KIF15: variants seen among roughly 807,000 people sequenced by gnomAD.
The protein encoded by KIF15 is kinesin-like protein KIF15.
In KIF15, 140 loss-of-function variants were observed where a neutral mutation model predicts 190.6. The ratio of observed to expected loss-of-function variants is 0.73; its 90% CI spans 0.64 to 0.84. KIF15 has a LOEUF of 0.84. KIF15 is among the 40% of genes least tolerant of loss of function. KIF15 has a pLI of 0.00. For synonymous variants in KIF15, 528 were observed against 551.3 expected, an observed-to-expected ratio of 0.96 and a Z score of 0.59; for missense variants, 1,372 against 1,584.4, an observed-to-expected ratio of 0.87 and a Z score of 2.28.
chr3:44,778,274 A>C (rs1705992337), intron 4 of KIF15, 83 bp downstream of exon 4: 1 of 1,089,734 alleles, frequency 9.2e-7, no homozygotes, highest in South Asian at 1.2e-5. Context: ...CCACAAACGT[A>C]GTGGCTTAAA....
intron 4 of KIF15, among the ~76,000 whole-genome samples, chr3:44,778,584 C>T (rs1216159006): frequency 6.6e-6 from 1 of 152,126 alleles, no homozygotes; most frequent in South Asian, 2.1e-4. Flanking sequence ...TTAGATTGGC[C>T]CCTCCTGGCT....
intron 26 of KIF15, among the ~76,000 whole-genome samples, chr3:44,832,512 C>G (rs2125701813): frequency 6.6e-6 from 1 of 152,242 alleles, no homozygotes; most frequent in Non-Finnish European, 1.5e-5. Flanking sequence ...ACCAAGCTTT[C>G]TAGCCTGGAG....
chr3:44,794,222 G>T lies in KIF15; in HGVS notation c.645G>T (p.Leu215Phe). 1.2e-6 allele frequency: 2 copies of T among 1,613,030 alleles called. No individual in the cohort carries two copies. The highest frequency in any genetic ancestry group is 1.7e-6 in the Non-Finnish European group (2 of 1,179,424). ...VTSAAEAYQV[L>F]SGGWRNRRVA... is the part of the protein sequence containing the mutation. ...TATGTTTTCCTTTTGCATAGGTGTT[G>T]TCTGGAGGATGGAGGAATAGACGTG... The change falls in exon 8 of 35, where the codon TTG becomes TTT. Residue 215 changes from leucine to phenylalanine, a missense_variant. Physicochemically the swap from Leu to Phe is conservative, Grantham distance 22 (BLOSUM62 0). Coordinates refer to ENST00000326047, the MANE Select transcript of KIF15 (RefSeq NM_020242.3).
intron 5 of KIF15, among the ~76,000 whole-genome samples, chr3:44,784,140 C>A (rs1411796115): frequency 6.6e-6 from 1 of 152,152 alleles, no homozygotes; most frequent in African/African-American, 2.4e-5. Context: ...ACTAACATGG[C>A]TCTAAGTGCT....
chr3:44,788,187 G>A (rs553717683), intron 7 of KIF15, among the ~76,000 whole-genome samples: 131 of 152,244 alleles, frequency 8.6e-4, no homozygotes, highest in Non-Finnish European at 8.8e-5. Context: ...TTAGTGTTTG[G>A]TGTGTATAGA....
chr3:44,766,455 G>A (rs1181835409), intron 1 of KIF15, among the ~76,000 whole-genome samples: 1 of 152,200 alleles, frequency 6.6e-6, no homozygotes, highest in Non-Finnish European at 1.5e-5. Context: ...CAAGATGAGG[G>A]CTGTGTGGGA....
At chr3:44,763,625 C>T (rs59150312) in intron 1 of KIF15, among the ~76,000 whole-genome samples, 1,654 of 151,758 alleles carry the variant, frequency 0.011, 29 homozygotes, top group African/African-American at 0.037. Flanking sequence ...CTAGTGACAT[C>T]ATTGACACCA....
In KIF15 at chr3:44,813,198, G is replaced by C. The variant is rs765007877; in HGVS notation, c.2383+18G>C. 1.7e-5 allele frequency: 24 copies of C among 1,399,362 alleles called. No individual in the cohort carries two copies. The highest frequency in any genetic ancestry group is 4.0e-6 in the Non-Finnish European group (4 of 1,003,270). 86.7% of individuals were successfully genotyped at this position (1,399,362 alleles called of 1,614,324 possible). The stretch of plus-strand genomic sequence containing the variant: ...AAATGACTGTAAGTTATTCTATCAG[G>C]AGCTTTGTGACTTGAAGGAATACTG... On this transcript the variant is annotated intron_variant, in intron 19 of 34. Coordinates refer to ENST00000326047, the MANE Select transcript of KIF15 (RefSeq NM_020242.3).
At chr3:44,778,414 T>G (rs1705998917) in intron 4 of KIF15, among the ~76,000 whole-genome samples, 1 of 152,200 alleles carries the variant, frequency 6.6e-6, no homozygotes, top group Non-Finnish European at 1.5e-5. Context: ...AAAATTTGTT[T>G]CTTTGCCTTT....
chr3:44,849,817 A>G (rs985823079), intron 32 of KIF15, among the ~76,000 whole-genome samples: 1 of 152,148 alleles, frequency 6.6e-6, no homozygotes, highest in Non-Finnish European at 1.5e-5. Flanking sequence ...TTACCAATTG[A>G]GTTCACATTA....
Position 44,780,881 on chromosome 3 carries a change from A to G in KIF15, c.324-4A>G, listed in dbSNP as rs758385346. 5.7e-6 allele frequency: 9 copies of G among 1,586,744 alleles called. No individual in the cohort carries two copies. In the East Asian group the frequency reaches 2.0e-4, roughly 36 times the overall value. On this transcript the variant is annotated splice_polypyrimidine_tract_variant and splice_region_variant and intron_variant, in intron 4 of 34. Coordinates refer to ENST00000326047, the MANE Select transcript of KIF15 (RefSeq NM_020242.3). ...AAAAATAATATGTAAAACATTTTTT[A>G]CAGTGGACAGACTGGCTCAGGGAAG...
chr3:44,777,596 C>T (rs927909654), intron 3 of KIF15, among the ~76,000 whole-genome samples: 2 of 152,082 alleles, frequency 1.3e-5, no homozygotes, highest in Non-Finnish European at 2.9e-5. Context: ...GAGGCTGAGG[C>T]AGGAGAATTG....
chr3:44,767,032 G>A (rs1201413484), intron 1 of KIF15, among the ~76,000 whole-genome samples: 2 of 151,868 alleles, frequency 1.3e-5, no homozygotes, highest in Non-Finnish European at 2.9e-5. Flanking sequence ...GGGTGGTCTC[G>A]ATCTCCTGAC....
rs1196786194 is a variant in KIF15 at position 44,794,253 on chromosome 3, TCAA to T, written c.679_681del (p.Thr227del). 1 of 1,613,880 alleles carries T rather than the reference TCAA, an allele frequency of 6.2e-7. No homozygotes were observed. The highest frequency in any genetic ancestry group is 1.3e-5 in the African/African-American group (1 of 74,920). ...AGGATGGAGGAATAGACGTGTGGCA[TCAA>T]CATCAATGAACAGAGAATCGTCTAG... On this transcript the variant is annotated inframe_deletion, in exon 8 of 35. Transcript: ENST00000326047.
chr3:44,797,973 T>C lies in KIF15; in HGVS notation c.1098+17T>C, dbSNP rs1419304346. On this transcript the variant is annotated intron_variant, in intron 10 of 34. Transcript: ENST00000326047. Reference sequence around the variant, plus strand: ...AAAAACAAGGTAAAATACTGGCGTATACTTCATTAAATAAATGAGAAAAAT... The same window carrying C: ...AAAAACAAGGTAAAATACTGGCGTACACTTCATTAAATAAATGAGAAAAAT... 6.3e-7 allele frequency: 1 copy of C among 1,582,884 alleles called. No homozygotes were observed. Among genetic ancestry groups the C allele is most frequent in the Admixed American group, 1.9e-5 (1 of 53,406 alleles).
chr3:44,797,327 CTG>C (rs1444000011), intron 8 of KIF15, among the ~76,000 whole-genome samples: 4 of 152,198 alleles, frequency 2.6e-5, no homozygotes, highest in Non-Finnish European at 5.9e-5. Context: ...CAGTGCCAGC[CTG>C]TGTTTGTCTT....
At chr3:44,818,567 G>C (rs116029829) in intron 20 of KIF15, among the ~76,000 whole-genome samples, 2,835 of 152,278 alleles carry the variant, frequency 0.019, 73 homozygotes, top group African/African-American at 0.063. Context: ...GTATGTTGAA[G>C]CAGCCTTGCA....
chr3:44,768,668 C>T (rs1250173618), intron 1 of KIF15, among the ~76,000 whole-genome samples: 1 of 152,200 alleles, frequency 6.6e-6, no homozygotes, highest in Admixed American at 6.5e-5. Flanking sequence ...TAAAGAAGTA[C>T]ATCTAACTGC....
intron 32 of KIF15, among the ~76,000 whole-genome samples, chr3:44,851,100 G>A (rs149085148): frequency 1.3e-5 from 2 of 152,210 alleles, no homozygotes; most frequent in Non-Finnish European, 2.9e-5. Flanking sequence ...CCATCTCTAC[G>A]GATAATTTTT....
Sources: gnomAD v4.1 joint callset for allele counts (sites outside exome capture counted in the v4.1 genomes callset) on GRCh38, gnomAD v4.1.1 for gene constraint, MANE v1.5 for transcripts, NCBI Gene and HGNC (gene_info 2026-07-23, HGNC 2026-07-21) for gene names.